Variants in FAM168B observed in about 807,000 individuals in gnomAD.
FAM168B encodes family with sequence similarity 168 member B, also known as myelin-associated neurite-outgrowth inhibitor.
FAM168B carries 19 observed loss-of-function variants against 21.8 expected under a neutral mutation model. That is an observed-to-expected ratio of 0.87 (90% confidence interval 0.61 to 1.28). FAM168B has a LOEUF of 1.28. Ranked by LOEUF, FAM168B falls within the 50% of genes most tolerant of loss-of-function variation. The pLI is 0.00. For missense variants in FAM168B, 233 were observed against 263.1 expected (o/e 0.89, Z 0.79); for synonymous variants, 126 against 104.8 (o/e 1.20, Z -1.24).
chr2:131,054,246 A>G (rs949937855), intron 5 of FAM168B, among the ~76,000 whole-genome samples: 21 of 151,890 alleles, frequency 1.4e-4, no homozygotes, highest in Non-Finnish European at 2.8e-4. Flanking sequence ...TAAAAAAAAA[A>G]AAAAGAAATG....
At chr2:131,083,874 G>GTATTTATTTATT (rs10550552) in intron 1 of FAM168B, among the ~76,000 whole-genome samples, 11 of 148,032 alleles carry the variant, frequency 7.4e-5, no homozygotes, top group East Asian at 3.9e-4. Context: ...GCAATTTCCT[G>GTATTTATTTATT]TATTTATTTA....
At chr2:131,070,971 AG>A (rs1226040544) in intron 3 of FAM168B, among the ~76,000 whole-genome samples, 7 of 152,260 alleles carry the variant, frequency 4.6e-5, no homozygotes, top group African/African-American at 1.7e-4. Context: ...GCTTGGGAGC[AG>A]GAAGACCAAG....
chr2:131,083,874 GTATTTATTTATTTATTTATT>G (rs10550552), intron 1 of FAM168B, among the ~76,000 whole-genome samples: 31 of 148,138 alleles, frequency 2.1e-4, no homozygotes, highest in Middle Eastern at 3.5e-3. Flanking sequence ...GCAATTTCCT[GTATTTATTTATTTATTTATT>G]TATTTATTTA....
At chr2:131,074,509 T>C (rs769804368) in intron 2 of FAM168B, among the ~76,000 whole-genome samples, 61 of 152,180 alleles carry the variant, frequency 4.0e-4, no homozygotes, top group Non-Finnish European at 7.4e-4. Flanking sequence ...CCACTAGCTG[T>C]GAGAAGCTGT....
chr2:131,052,568 G>T, intron 6 of FAM168B, 116 bp from the exon 7 acceptor site: 2 of 849,432 alleles, frequency 2.4e-6, no homozygotes, highest in Non-Finnish European at 3.0e-6. Context: ...GGGCAAAACT[G>T]CTGGACCTGG....
rs1241247132 is a variant in FAM168B, at chr2:131,055,418, G to A, written c.329C>T (p.Ala110Val). Residue 110 changes from alanine (A) to valine (V), a missense_variant, in exon 5 of 7, where the codon GCA becomes GTA. Coordinates refer to ENST00000389915, the MANE Select transcript of FAM168B (RefSeq NM_001009993.4). ...QGTYYTQPLY[A>V]APPHVIHHTT... ...GTGGTGGATGACGTGAGGAGGTGCTGCATACAGCGGCTGTGTGTAGTACGT... is the reference window on the plus strand; with the variant it reads ...GTGGTGGATGACGTGAGGAGGTGCTACATACAGCGGCTGTGTGTAGTACGT... 6 of 1,609,548 alleles carry A rather than the reference G, an allele frequency of 3.7e-6. No individual in the cohort carries two copies. The highest frequency in any genetic ancestry group is 1.3e-5 in the African/African-American group (1 of 74,634).
Position 131,082,673 on chromosome 2 carries a change from G to A in FAM168B, c.-11-16C>T, listed in dbSNP as rs762727818. ...ATTTCAAAAACTAAAAGAAAAAAAA[G>A]GGAATTTAGCCAAGCACTTTTGCTC... is the stretch of plus-strand genomic sequence containing the variant. On this transcript the variant is annotated splice_polypyrimidine_tract_variant and intron_variant, in intron 1 of 6. Coordinates refer to ENST00000389915, the MANE Select transcript of FAM168B (RefSeq NM_001009993.4). 2 of 1,553,798 alleles carry A rather than the reference G, an allele frequency of 1.3e-6. No individual in the cohort carries two copies. The highest frequency in any genetic ancestry group is 1.2e-5 in the South Asian group (1 of 83,440).
At chr2:131,076,258 C>T (rs971457780) in intron 2 of FAM168B, among the ~76,000 whole-genome samples, 2 of 152,144 alleles carry the variant, frequency 1.3e-5, no homozygotes, top group African/African-American at 2.4e-5. Context: ...ACACAGAGAC[C>T]GTCTCCTTCA....
chr2:131,052,888 T>C lies in FAM168B; in HGVS notation c.*12+3A>G, dbSNP rs1221290164. 7 of 1,550,074 alleles carry C rather than the reference T, an allele frequency of 4.5e-6. No homozygotes were observed. The highest frequency in any genetic ancestry group is 6.1e-6 in the Non-Finnish European group (7 of 1,146,032). ...GCTAGCCCAGCCTTCCCTGGTCACT[T>C]ACATTTGCAGGTGATCACCACTGAG... On this transcript the variant is annotated splice_donor_region_variant and intron_variant, in intron 6 of 6. Coordinates refer to ENST00000389915, the MANE Select transcript of FAM168B (RefSeq NM_001009993.4).
chr2:131,072,112 CTT>C (rs1198566008), intron 2 of FAM168B, among the ~76,000 whole-genome samples, 174 bp from the exon 3 acceptor site: 1 of 152,146 alleles, frequency 6.6e-6, no homozygotes, highest in African/African-American at 2.4e-5. Flanking sequence ...TCCCGCAGAA[CTT>C]TGTTTTTTTT....
At chr2:131,064,578 C>T (rs1235421213) in intron 3 of FAM168B, among the ~76,000 whole-genome samples, 2 of 152,130 alleles carry the variant, frequency 1.3e-5, no homozygotes, top group Admixed American at 6.5e-5. Context: ...CAACCATCAA[C>T]GAAGTGTGCG....
intron 3 of FAM168B, among the ~76,000 whole-genome samples, chr2:131,066,089 T>A (rs200745755): frequency 6.6e-6 from 1 of 150,950 alleles, no homozygotes; most frequent in Non-Finnish European, 1.5e-5. Flanking sequence ...CAATTTACCC[T>A]CCACCCAGCC....
chr2:131,069,128 T>A (rs1249434215), intron 3 of FAM168B, among the ~76,000 whole-genome samples: 2 of 152,242 alleles, frequency 1.3e-5, no homozygotes, highest in African/African-American at 4.8e-5. Flanking sequence ...TAGGCAGTGC[T>A]GCACATTTTT....
chr2:131,090,588 A>G (rs1164790497), intron 1 of FAM168B, among the ~76,000 whole-genome samples: 1 of 152,166 alleles, frequency 6.6e-6, no homozygotes, highest in Non-Finnish European at 1.5e-5. Flanking sequence ...AAGAGCTTGT[A>G]GACTTGGTGG....
chr2:131,087,055 C>A (rs1693740123), intron 1 of FAM168B, among the ~76,000 whole-genome samples: 1 of 60,396 alleles, frequency 1.7e-5, no homozygotes, highest in Admixed American at 1.9e-4. Context: ...GACAGCGAGA[C>A]TCCGTCTCAA....
chr2:131,085,950 A>G (rs543987652), intron 1 of FAM168B, among the ~76,000 whole-genome samples: 6 of 152,330 alleles, frequency 3.9e-5, no homozygotes, highest in South Asian at 2.1e-4. Flanking sequence ...TAACTTCAAC[A>G]TAAGTAGTCA....
At chr2:131,054,720 G>A (rs534227056) in intron 5 of FAM168B, among the ~76,000 whole-genome samples, 31 of 152,274 alleles carry the variant, frequency 2.0e-4, no homozygotes, top group Middle Eastern at 3.4e-3. Flanking sequence ...GGGCTTCCGC[G>A]GAGATGTGCC....
chr2:131,065,233 G>C (rs190370921), intron 3 of FAM168B, among the ~76,000 whole-genome samples: 1 of 152,306 alleles, frequency 6.6e-6, no homozygotes, highest in East Asian at 1.9e-4. Context: ...AAGAGCTGGA[G>C]TTTGCCCATG....
chr2:131,072,249 GAA>G (rs1558973244), intron 2 of FAM168B, among the ~76,000 whole-genome samples: 1 of 151,808 alleles, frequency 6.6e-6, no homozygotes, highest in Non-Finnish European at 1.5e-5. Context: ...TCAGCCTTCC[GAA>G]GAGCTGGGAT....
Sources: allele counts gnomAD v4.1 joint callset (sites outside exome capture counted in the v4.1 genomes callset), GRCh38; gene constraint gnomAD v4.1.1; transcripts MANE v1.5; gene names NCBI Gene and HGNC (gene_info 2026-07-23, HGNC 2026-07-21).